The following SEMA6D variants were observed in gnomAD, a reference collection of about 807,000 sequenced individuals.
SEMA6D encodes semaphorin-6D.
In SEMA6D, 35 loss-of-function variants were observed where a neutral mutation model predicts 106.6. That is an observed-to-expected ratio of 0.33 (90% CI 0.25 to 0.44). The LOEUF (loss-of-function observed/expected upper bound fraction) is 0.44. SEMA6D is among the 20% of genes least tolerant of loss of function. The pLI, the probability that SEMA6D is intolerant of heterozygous loss-of-function variation, is 1.00. For synonymous variants in SEMA6D, 499 were observed against 487.7 expected, an observed-to-expected ratio of 1.02 and a Z score of -0.31; for missense variants, 1,185 against 1,345.9, an observed-to-expected ratio of 0.88 and a Z score of 1.87.
intron 3 of SEMA6D, among the ~76,000 whole-genome samples, chr15:47,526,345 G>A (rs1808630004): frequency 6.6e-6 from 1 of 152,130 alleles, no homozygotes; most frequent in Admixed American, 6.5e-5. Flanking sequence ...GCTGGAAAGG[G>A]GGGTCCTTTT....
intron 3 of SEMA6D, among the ~76,000 whole-genome samples, chr15:47,488,550 A>G (rs2043367951): frequency 6.6e-6 from 1 of 152,038 alleles, no homozygotes; most frequent in Non-Finnish European, 1.5e-5. Flanking sequence ...TTTCTGAAAA[A>G]TACTGTTTTA....
chr15:47,662,131 G>A (rs2077933700), intron 4 of SEMA6D, among the ~76,000 whole-genome samples: 2 of 152,102 alleles, frequency 1.3e-5, no homozygotes, highest in African/African-American at 4.8e-5. Context: ...CAAACATGGA[G>A]GGCAGTAGGT....
At chr15:47,493,582 A>T (rs1214868352) in intron 3 of SEMA6D, among the ~76,000 whole-genome samples, 1 of 152,164 alleles carries the variant, frequency 6.6e-6, no homozygotes, top group African/African-American at 2.4e-5. Flanking sequence ...CATAAAAGTC[A>T]TACATATGTA....
At chr15:47,331,862 G>A (rs1000175560) in intron 1 of SEMA6D, among the ~76,000 whole-genome samples, 1 of 152,176 alleles carries the variant, frequency 6.6e-6, no homozygotes, top group Admixed American at 6.5e-5. Context: ...AATAACCTAT[G>A]TTTGTAGTTA....
At chr15:47,350,483 A>C (rs1356956034) in intron 1 of SEMA6D, among the ~76,000 whole-genome samples, 1 of 152,162 alleles carries the variant, frequency 6.6e-6, no homozygotes, top group African/African-American at 2.4e-5. Context: ...ATTGTTTCAA[A>C]TGACAGCAGC....
intron 1 of SEMA6D, among the ~76,000 whole-genome samples, chr15:47,249,697 G>A (rs949934974): frequency 6.6e-6 from 1 of 152,204 alleles, no homozygotes; most frequent in African/African-American, 2.4e-5. Context: ...CATAGAATAG[G>A]TGGTGGCTAA....
intron 2 of SEMA6D, among the ~76,000 whole-genome samples, chr15:47,437,308 ATGTCT>A (rs1244635854): frequency 2.0e-5 from 3 of 152,068 alleles, no homozygotes; most frequent in Non-Finnish European, 4.4e-5. Context: ...GGCAAGGGTC[ATGTCT>A]TATGATGTTT....
At chr15:47,425,273 C>T (rs1183124154) in intron 2 of SEMA6D, among the ~76,000 whole-genome samples, 3 of 151,842 alleles carry the variant, frequency 2.0e-5, no homozygotes, top group Admixed American at 6.6e-5. Context: ...GTTTCCTCAG[C>T]GAGATAGGGG....
intron 1 of SEMA6D, among the ~76,000 whole-genome samples, chr15:47,278,224 C>T (rs542800387): frequency 1.3e-5 from 2 of 152,266 alleles, no homozygotes; most frequent in Admixed American, 6.5e-5. Flanking sequence ...TTTACAGTCC[C>T]ACCAACAGTG....
At chr15:47,254,318 T>C (rs1392018252) in intron 1 of SEMA6D, among the ~76,000 whole-genome samples, 1 of 71,932 alleles carries the variant, frequency 1.4e-5, no homozygotes. Context: ...TATGTATATA[T>C]ATGTGTGTGT....
chr15:47,524,426 T>G (rs2044686923), intron 3 of SEMA6D, among the ~76,000 whole-genome samples: 1 of 152,112 alleles, frequency 6.6e-6, no homozygotes, highest in Non-Finnish European at 1.5e-5. Flanking sequence ...AAGATTACCT[T>G]GCTAATAATT....
intron 1 of SEMA6D, among the ~76,000 whole-genome samples, chr15:47,735,032 C>A (rs2080361934): frequency 1.3e-5 from 2 of 152,152 alleles, no homozygotes; most frequent in Admixed American, 1.3e-4. Context: ...ACTTAACTCA[C>A]TCCTGTACTT....
intron 1 of SEMA6D, among the ~76,000 whole-genome samples, chr15:47,342,264 C>T (rs2037847779): frequency 6.6e-6 from 1 of 152,218 alleles, no homozygotes; most frequent in South Asian, 2.1e-4. Flanking sequence ...TCGTTGCCTG[C>T]ACTGCAGCAG....
In SEMA6D at chr15:47,505,415, G is replaced by A. The variant is rs77604837; in HGVS notation, c.-87+34870G>A. On this transcript the variant is annotated intron_variant, in intron 3 of 19. Coordinates refer to the SEMA6D transcript ENST00000558014. ...AAGTTTAAAGCAATAGGCACATTCT[G>A]CGAAACAACTGGCTTAGACCTTCCG... 3.1e-3 allele frequency among the ~76,000 whole-genome samples: 472 copies of A among 152,296 alleles called. 7 individuals carry two copies. In the East Asian group the frequency reaches 0.06, roughly 20 times the overall value.
At chr15:47,294,680 A>G (rs879388993) in intron 1 of SEMA6D, among the ~76,000 whole-genome samples, 11 of 152,200 alleles carry the variant, frequency 7.2e-5, no homozygotes, top group Non-Finnish European at 1.2e-4. Flanking sequence ...AAAACATTCC[A>G]GTGCACTCTT....
chr15:47,250,347 A>AGAGAGG (rs1354306323), intron 1 of SEMA6D, among the ~76,000 whole-genome samples: 1 of 151,752 alleles, frequency 6.6e-6, no homozygotes, highest in African/African-American at 2.4e-5. Context: ...AGAGAGAGAA[A>AGAGAGG]GAGAGGGAGA....
At chr15:47,522,927 T>C (rs2044636620) in intron 3 of SEMA6D, among the ~76,000 whole-genome samples, 1 of 152,200 alleles carries the variant, frequency 6.6e-6, no homozygotes, top group Admixed American at 6.5e-5. Context: ...AAGGGAGTCA[T>C]TACTACCTTT....
chr15:47,470,258 T>C (rs16959550), intron 2 of SEMA6D, among the ~76,000 whole-genome samples: 9,775 of 152,026 alleles, frequency 0.064, 994 homozygotes, highest in African/African-American at 0.22. Flanking sequence ...TGCCATATGT[T>C]TTGTCAGGCC....
intron 1 of SEMA6D, among the ~76,000 whole-genome samples, chr15:47,242,654 G>C (rs184321694): frequency 2.6e-3 from 401 of 152,262 alleles, no homozygotes; most frequent in Non-Finnish European, 4.5e-3. Context: ...TGCTCAGGGG[G>C]TTGAAGGAGA....
Sources: allele counts gnomAD v4.1 joint callset (sites outside exome capture counted in the v4.1 genomes callset), GRCh38; gene constraint gnomAD v4.1.1; transcripts MANE v1.5; gene names NCBI Gene and HGNC (gene_info 2026-07-23, HGNC 2026-07-21).